SYT6: variants seen among roughly 807,000 people sequenced by gnomAD.
The protein encoded by SYT6 is synaptotagmin-6.
SYT6 carries 24 observed loss-of-function variants against 38.4 expected under a neutral mutation model. The observed-to-expected ratio is 0.62, with a 90% CI of 0.45 to 0.88. The LOEUF is 0.88. SYT6 is among the 40% of genes least tolerant of loss of function. The pLI is 0.00. For missense variants in SYT6, 611 were observed against 621.0 expected, an observed-to-expected ratio of 0.98 and a Z score of 0.17; for synonymous variants, 265 against 241.9, an observed-to-expected ratio of 1.10 and a Z score of -0.89.
intron 3 of SYT6, among the ~76,000 whole-genome samples, chr1:114,109,203 A>G (rs1388052299): frequency 6.6e-6 from 1 of 152,162 alleles, no homozygotes; most frequent in South Asian, 2.1e-4. Flanking sequence ...CATAGCACAC[A>G]CTACAACTCT....
At chr1:114,092,957 G>T (rs1429120196) in intron 7 of SYT6, among the ~76,000 whole-genome samples, 1 of 152,228 alleles carries the variant, frequency 6.6e-6, no homozygotes, top group African/African-American at 2.4e-5. Flanking sequence ...GGAGTGGGCT[G>T]AAGAGACCCA....
chr1:114,144,794 G>GAGCCACTCTCTCTGGGA (rs1553185217), intron 1 of SYT6, among the ~76,000 whole-genome samples: 1 of 152,102 alleles, frequency 6.6e-6, no homozygotes, highest in Non-Finnish European at 1.5e-5. Context: ...AGAAGGAGTT[G>GAGCCACTCTCTCTGGGA]AGGATATCAG....
chr1:114,102,449 T>C (rs112732219), intron 4 of SYT6, among the ~76,000 whole-genome samples: 2,870 of 152,242 alleles, frequency 0.019, 85 homozygotes, highest in African/African-American at 0.065. Context: ...CTTCTTCCAG[T>C]TGCACCAGGT....
intron 4 of SYT6, among the ~76,000 whole-genome samples, chr1:114,102,879 A>C (rs539438162): frequency 6.6e-6 from 1 of 152,282 alleles, no homozygotes; most frequent in East Asian, 1.9e-4. Flanking sequence ...TTATTTCCAA[A>C]CTCAAATACC....
chr1:114,145,848 G>A (rs567997155), intron 1 of SYT6, among the ~76,000 whole-genome samples: 2 of 152,304 alleles, frequency 1.3e-5, no homozygotes, highest in South Asian at 4.1e-4. Context: ...TAAATGTTCA[G>A]CCTGACAAAT....
chr1:114,131,078 GC>G (rs1243517706), intron 3 of SYT6, among the ~76,000 whole-genome samples: 1 of 152,074 alleles, frequency 6.6e-6, no homozygotes, highest in African/African-American at 2.4e-5. Context: ...ATTTCAGGAG[GC>G]CTGCCTTCCC....
intron 3 of SYT6, among the ~76,000 whole-genome samples, chr1:114,107,022 A>C (rs1355604226): frequency 6.6e-6 from 1 of 152,220 alleles, no homozygotes; most frequent in Admixed American, 6.5e-5. Context: ...GTTATGATCA[A>C]GTTAGGGCCC....
In SYT6 at chr1:114,090,137, G is replaced by C. The variant is rs893790511; in HGVS notation, c.*1997C>G. 1 of 152,356 alleles carries C rather than the reference G, an allele frequency of 6.6e-6. No individual in the cohort carries two copies. Among genetic ancestry groups the C allele is most frequent in the Non-Finnish European group, 1.5e-5 (1 of 68,044 alleles). The allele number at this position is 152,356 out of a possible 1,614,324, so 9.4% of individuals were successfully genotyped here. On this transcript the variant is annotated 3_prime_UTR_variant, in exon 8 of 8. Transcript: ENST00000610222. ...TGTAATGGCAAGGCCTTCAGCATCT[G>C]TTCACTGACGGAAACGACTATCTTG...
intron 3 of SYT6, among the ~76,000 whole-genome samples, chr1:114,128,310 A>G (rs1677865052): frequency 1.3e-5 from 2 of 152,114 alleles, no homozygotes; most frequent in South Asian, 4.1e-4. Context: ...AATACTAGGG[A>G]TACTGAGCCT....
At chr1:114,124,201 G>T (rs1677591942) in intron 3 of SYT6, among the ~76,000 whole-genome samples, 1 of 152,190 alleles carries the variant, frequency 6.6e-6, no homozygotes, top group African/African-American at 2.4e-5. Flanking sequence ...GAAAGCAAAT[G>T]CCATTTGAAA....
At chr1:114,121,534 G>A (rs1677402025) in intron 3 of SYT6, among the ~76,000 whole-genome samples, 1 of 152,178 alleles carries the variant, frequency 6.6e-6, no homozygotes, top group South Asian at 2.1e-4. Flanking sequence ...AGTATTCTTG[G>A]GAGAATGGGC....
At chr1:114,102,788 G>A (rs932396061) in intron 4 of SYT6, among the ~76,000 whole-genome samples, 1 of 151,726 alleles carries the variant, frequency 6.6e-6, no homozygotes, top group African/African-American at 2.4e-5. Flanking sequence ...CCCAGACCAA[G>A]AGGCTTCACC....
At chr1:114,102,001 G>T (rs770191368) in intron 4 of SYT6, among the ~76,000 whole-genome samples, 6 of 152,162 alleles carry the variant, frequency 3.9e-5, no homozygotes, top group Non-Finnish European at 7.4e-5. Flanking sequence ...GTGAAAGGGA[G>T]GTTAGAACTT....
chr1:114,153,034 G>A (rs1225793327), intron 1 of SYT6: 1 of 78,756 alleles, frequency 1.3e-5, no homozygotes, highest in Admixed American at 1.6e-4. Context: ...CCGCCCCCCA[G>A]CGGAGACGCG....
At chr1:114,094,393 G>A (rs573259074) in intron 6 of SYT6, among the ~76,000 whole-genome samples, 1 of 152,204 alleles carries the variant, frequency 6.6e-6, no homozygotes, top group Non-Finnish European at 1.5e-5. Flanking sequence ...ATCTCTGGCA[G>A]ATGATCTGAA....
At position 114,138,047 on chromosome 1, in the gene SYT6, C is replaced by A. The variant is rs761443281; in HGVS notation, c.519G>T (p.Thr173=). The A allele has an allele frequency of 1.2e-6, 2 of 1,613,112 alleles. No homozygotes were observed. Among genetic ancestry groups the A allele is most frequent in the Non-Finnish European group, 1.7e-6 (2 of 1,179,612 alleles). The change falls in exon 3 of 8, where the codon ACG becomes ACT. Residue 173 remains threonine, a synonymous_variant. Coordinates refer to ENST00000610222, the MANE Select transcript of SYT6 (RefSeq NM_001253772.2). ...GCCTTGGCAGGTGGCGCTTGAAGGA[C>A]GTGTGCCTGGTAGAGGGCAGGAGGG... ...TTEPASSTRH[T]SFKRHLPRQM... is the part of the protein sequence containing the mutation.
chr1:114,106,951 G>A (rs1450306911), intron 3 of SYT6, among the ~76,000 whole-genome samples: 1 of 152,182 alleles, frequency 6.6e-6, no homozygotes, highest in African/African-American at 2.4e-5. Context: ...AGAAATGCTT[G>A]CAGAAAGGGG....
intron 1 of SYT6, among the ~76,000 whole-genome samples, chr1:114,146,638 G>C (rs1047700613): frequency 1.3e-5 from 2 of 152,166 alleles, no homozygotes; most frequent in African/African-American, 4.8e-5. Context: ...CTCCAGTAAG[G>C]GAGAGAGGGC....
chr1:114,090,942 T>C lies in SYT6; in HGVS notation c.*1192A>G, dbSNP rs1460561552. The C allele has an allele frequency of 6.5e-6, 1 of 152,896 alleles. No homozygotes were observed. Among genetic ancestry groups the C allele is most frequent in the Non-Finnish European group, 1.5e-5 (1 of 68,034 alleles). The allele number at this position is 152,896 out of a possible 1,614,324, so 9.5% of individuals were successfully genotyped here. On this transcript the variant is annotated 3_prime_UTR_variant, in exon 8 of 8. Transcript: ENST00000610222. ...AACAACACTGAAGTACTTAGTAATT[T>C]ATAGAACTAAAGTTTAAGATGAATA...
Sources: gnomAD v4.1 joint callset for allele counts (sites outside exome capture counted in the v4.1 genomes callset) on GRCh38, gnomAD v4.1.1 for gene constraint, MANE v1.5 for transcripts, NCBI Gene and HGNC (gene_info 2026-07-23, HGNC 2026-07-21) for gene names.